The following USO1 variants were observed in gnomAD, a reference collection of about 807,000 sequenced individuals.
USO1 encodes general vesicular transport factor p115.
A neutral mutation model predicts 124.5 loss-of-function variants in USO1; 57 were observed. That is an observed-to-expected ratio of 0.46 (90% CI 0.37 to 0.57). The LOEUF (loss-of-function observed/expected upper bound fraction) is 0.57. Among genes scored for constraint, USO1 ranks in the 20% least tolerant of loss-of-function variants. The pLI is 0.00. For missense variants in USO1, 900 were observed against 1,040.6 expected (o/e 0.86, Z 1.86); for synonymous variants, 369 against 362.8 (o/e 1.02, Z -0.19).
chr4:75,771,521 T>G (rs1721933770), intron 7 of USO1, among the ~76,000 whole-genome samples: 3 of 152,232 alleles, frequency 2.0e-5, no homozygotes, highest in Non-Finnish European at 4.4e-5. Flanking sequence ...TAGTTTAGGA[T>G]TTCTTATACT....
intron 13 of USO1, among the ~76,000 whole-genome samples, chr4:75,796,573 A>C (rs1458936087): frequency 6.6e-6 from 1 of 152,126 alleles, no homozygotes; most frequent in East Asian, 1.9e-4. Flanking sequence ...TGATGATCGC[A>C]GGTGATCCAC....
intron 4 of USO1, 102 bp downstream of exon 4, chr4:75,757,675 A>C: frequency 2.6e-6 from 3 of 1,133,800 alleles, no homozygotes; most frequent in Non-Finnish European, 3.4e-6. Flanking sequence ...TAAATGTATA[A>C]GTTTTTTTAC....
At chr4:75,751,210 TTTTATTTA>T (rs1424455424) in intron 1 of USO1, among the ~76,000 whole-genome samples, 1 of 150,636 alleles carries the variant, frequency 6.6e-6, no homozygotes, top group East Asian at 2.0e-4. Flanking sequence ...TTTATTTTAT[TTTTATTTA>T]TTTATTTATT....
At position 75,813,142 on chromosome 4, in the gene USO1, T is replaced by C. The variant is rs914049388; in HGVS notation, c.2800-64T>C. The C allele has an allele frequency of 1.2e-5, 19 of 1,534,636 alleles. No individual in the cohort carries two copies. In the African/African-American group the frequency reaches 2.3e-4, roughly 18 times the overall value. ...AAAAAAAAATTATCAGTAGTATATA[T>C]TGTTAAATGTTGAATGTGACATGAA... On this transcript the variant is annotated intron_variant, in intron 23 of 23. Transcript: ENST00000514213.
chr4:75,730,938 G>A (rs927586487), intron 1 of USO1, among the ~76,000 whole-genome samples: 1 of 152,080 alleles, frequency 6.6e-6, no homozygotes, highest in Non-Finnish European at 1.5e-5. Context: ...AACTTTTGTG[G>A]TGTTAGATTT....
At position 75,756,229 on chromosome 4, in the gene USO1, T is replaced by C. The variant is rs973303459; in HGVS notation, c.219-1268T>C. ...AGAAGAGGAAGTCAGAGTGTAGTGA[T>C]AGAAAAAAAGGACTCAACCTGCTCT... is the stretch of plus-strand genomic sequence containing the variant. On this transcript the variant is annotated intron_variant, in intron 3 of 23. Coordinates refer to ENST00000514213, the MANE Select transcript of USO1 (RefSeq NM_003715.4). 1.3e-4 allele frequency among the ~76,000 whole-genome samples: 19 copies of C among 149,072 alleles called. 1 individual carries two copies. Among genetic ancestry groups the C allele is most frequent in the Admixed American group, 6.7e-4 (10 of 14,960 alleles).
In USO1 at chr4:75,724,831, C is replaced by T. The variant is rs1411342955; in HGVS notation, c.12C>T (p.Leu4=). 1.9e-6 allele frequency: 3 copies of T among 1,613,816 alleles called. No individual in the cohort carries two copies. Among genetic ancestry groups the T allele is most frequent in the Non-Finnish European group, 2.5e-6 (3 of 1,179,820 alleles). Residue 4 remains leucine (L), a synonymous_variant, in exon 1 of 24, where the codon CTC becomes CTT. Transcript: ENST00000514213. ...GGCTGAACGGCAAGATGAATTTCCT[C>T]CGCGGGGTAATGGGGGGTCAGAGTG... The part of the protein sequence containing the change: MNF[L]RGVMGGQSAG...
At chr4:75,774,584 C>G in intron 7 of USO1, 92 bp from the exon 8 acceptor site, 1 of 1,450,720 alleles carries the variant, frequency 6.9e-7, no homozygotes, top group Non-Finnish European at 9.2e-7. Context: ...TGCAAAATCT[C>G]TGCCAGTTCT....
chr4:75,737,235 A>G (rs1720818251), intron 1 of USO1, among the ~76,000 whole-genome samples: 1 of 152,204 alleles, frequency 6.6e-6, no homozygotes, highest in Non-Finnish European at 1.5e-5. Flanking sequence ...ATAAATAGTA[A>G]TATTGCCTAT....
intron 4 of USO1, among the ~76,000 whole-genome samples, chr4:75,758,869 A>G (rs1176847152): frequency 6.6e-6 from 1 of 152,232 alleles, no homozygotes; most frequent in African/African-American, 2.4e-5. Context: ...CATAGATACA[A>G]TACACACAAG....
At chr4:75,780,701 G>A (rs1299729813) in intron 8 of USO1, among the ~76,000 whole-genome samples, 2 of 123,972 alleles carry the variant, frequency 1.6e-5, no homozygotes, top group Non-Finnish European at 1.6e-5. Context: ...AGGCTGGAAT[G>A]CAGTGGTACA....
chr4:75,804,067 A>G (rs1255941794), intron 17 of USO1, 67 bp from the exon 18 acceptor site: 68 of 1,529,874 alleles, frequency 4.4e-5, no homozygotes, highest in Non-Finnish European at 5.7e-5. Flanking sequence ...AATTTTTAAA[A>G]TGTGTTCACC....
intron 1 of USO1, chr4:75,729,960 C>T (rs1289203739): frequency 9.9e-6 from 4 of 402,722 alleles, no homozygotes; most frequent in Non-Finnish European, 1.9e-5. Context: ...ACATTTTATA[C>T]CATGTTACTA....
Position 75,813,509 on chromosome 4 carries a change from G to C in USO1, c.*214G>C. The C allele has an allele frequency of 2.6e-6, 1 of 389,212 alleles. No homozygotes were observed. The allele number at this position is 389,212 out of a possible 1,614,324, so 24.1% of individuals were successfully genotyped here. ...ACACATCTTTTATTTAAATCCATCT[G>C]AACTGTCCCAAAATGTAATTTGCAA... On this transcript the variant is annotated 3_prime_UTR_variant, in exon 24 of 24. Transcript: ENST00000514213.
chr4:75,809,170 C>T, intron 21 of USO1, 119 bp downstream of exon 21: 1 of 114,540 alleles, frequency 8.7e-6, no homozygotes. Context: ...AGATTACTTA[C>T]TAGCCGGTAT....
chr4:75,729,056 A>G (rs1352421547), intron 1 of USO1, among the ~76,000 whole-genome samples: 1 of 152,176 alleles, frequency 6.6e-6, no homozygotes, highest in Non-Finnish European at 1.5e-5. Flanking sequence ...TTGGCCTCCC[A>G]AAGTGCTGGA....
At chr4:75,758,270 T>G (rs1721499756) in intron 4 of USO1, among the ~76,000 whole-genome samples, 1 of 152,196 alleles carries the variant, frequency 6.6e-6, no homozygotes, top group Non-Finnish European at 1.5e-5. Flanking sequence ...TGTTGAAGAG[T>G]GTATTTGTCA....
chr4:75,805,110 GGCTTTTAAAATGTT>G lies in USO1; in HGVS notation c.2126-29_2126-16del. 6.6e-7 allele frequency: 1 copy of G among 1,521,400 alleles called. No individual in the cohort carries two copies. The highest frequency in any genetic ancestry group is 2.3e-5 in the Admixed American group (1 of 42,574). 94.2% of individuals were successfully genotyped at this position (1,521,400 alleles called of 1,614,324 possible). A position where few individuals can be genotyped will look rare whatever the true frequency, so the allele number is the denominator to read the frequency against. The stretch of plus-strand genomic sequence containing the variant: ...AAATGAAAAACTGAAGTTTCCCGTT[GGCTTTTAAAATGTT>G]ATGTCTGTCTAACAGGAAAAGACAA... On this transcript the variant is annotated splice_polypyrimidine_tract_variant and intron_variant, in intron 18 of 23. Transcript: ENST00000514213.
At chr4:75,730,138 CTT>C (rs1198105635) in intron 1 of USO1, among the ~76,000 whole-genome samples, 3 of 152,080 alleles carry the variant, frequency 2.0e-5, no homozygotes, top group Non-Finnish European at 4.4e-5. Flanking sequence ...TCGAAGCACT[CTT>C]TTTAAGTAGG....
Sources: allele counts gnomAD v4.1 joint callset (sites outside exome capture counted in the v4.1 genomes callset), GRCh38; gene constraint gnomAD v4.1.1; transcripts MANE v1.5; gene names NCBI Gene and HGNC (gene_info 2026-07-23, HGNC 2026-07-21).